PRKD1: variants seen among roughly 807,000 people sequenced by gnomAD.
PRKD1 encodes serine/threonine-protein kinase D1.
A neutral mutation model predicts 95.9 loss-of-function variants in PRKD1; 63 were observed. The observed-to-expected ratio is 0.66, with a 90% CI of 0.54 to 0.81. The LOEUF is 0.81. Among genes scored for constraint, PRKD1 ranks in the 30% least tolerant of loss-of-function variants. The probability of loss-of-function intolerance (pLI) is 0.00; values close to 1 mark genes in which losing one functional copy is unlikely to be tolerated. For missense variants in PRKD1, 1,048 were observed against 1,165.3 expected (o/e 0.90, Z 1.47); for synonymous variants, 425 against 423.1 (o/e 1.00, Z -0.05).
intron 1 of PRKD1, among the ~76,000 whole-genome samples, chr14:29,910,506 C>T (rs1894669788): frequency 6.6e-6 from 1 of 152,070 alleles, no homozygotes; most frequent in Admixed American, 6.5e-5. Flanking sequence ...CTAGAGACTG[C>T]CAACATTCAA....
intron 2 of PRKD1, among the ~76,000 whole-genome samples, chr14:29,713,851 T>C (rs1191572098): frequency 6.6e-6 from 1 of 152,168 alleles, no homozygotes; most frequent in African/African-American, 2.4e-5. Context: ...TTCAGGAAAC[T>C]GTGGTATTCA....
intron 9 of PRKD1, 68 bp from the exon 10 acceptor site, chr14:29,631,089 C>T: frequency 1.4e-6 from 2 of 1,407,254 alleles, no homozygotes; most frequent in Non-Finnish European, 1.9e-6. Context: ...AAAATTCATG[C>T]CAAGAACATG....
intron 2 of PRKD1, among the ~76,000 whole-genome samples, chr14:29,668,934 G>A (rs977997363): frequency 6.6e-6 from 1 of 152,180 alleles, no homozygotes; most frequent in African/African-American, 2.4e-5. Flanking sequence ...AGGTAATACA[G>A]AATCTGAACT....
At chr14:29,806,540 G>A (rs1319771364) in intron 1 of PRKD1, among the ~76,000 whole-genome samples, 2 of 152,144 alleles carry the variant, frequency 1.3e-5, no homozygotes, top group African/African-American at 2.4e-5. Flanking sequence ...TTACATTACA[G>A]GTCAGGCAGA....
intron 1 of PRKD1, among the ~76,000 whole-genome samples, chr14:29,771,806 T>C (rs1350116564): frequency 1.3e-5 from 2 of 152,234 alleles, no homozygotes; most frequent in African/African-American, 2.4e-5. Flanking sequence ...CCCAGTGTGC[T>C]GCAAAGGCAG....
At chr14:29,677,812 G>A (rs979340876) in intron 2 of PRKD1, among the ~76,000 whole-genome samples, 1 of 152,190 alleles carries the variant, frequency 6.6e-6, no homozygotes, top group African/African-American at 2.4e-5. Context: ...TGATCCACCA[G>A]CCTTGGCCTC....
chr14:29,599,040 T>C lies in PRKD1; in HGVS notation c.2153A>G (p.Asp718Gly). ...KPENVLLASA[D>G]PFPQVKLCDF... ...TTTTATACTTGCCTGAGGAAAAGGA[T>C]CAGCTGAGGCTAGCAACACATTTTC... Residue 718 changes from aspartate (D) to glycine (G), a missense_variant, in exon 15 of 18, where the codon GAT (aspartate) becomes GGT (glycine). By Grantham distance (94) the Asp-to-Gly change is moderately conservative (BLOSUM62 -1). Around this residue, in one of 3 missense-constraint regions of PRKD1, gnomAD observed 739 missense variants for 861.9 expected, o/e 0.86. Transcript: ENST00000331968. 6.2e-7 allele frequency: 1 copy of C among 1,613,098 alleles called. No homozygotes were observed. The highest frequency in any genetic ancestry group is 1.1e-5 in the South Asian group (1 of 91,026).
At position 29,703,781 on chromosome 14, in the gene PRKD1, T is replaced by C. The variant is rs45627837; in HGVS notation, c.403+21755A>G. On this transcript the variant is annotated intron_variant, in intron 2 of 17. Transcript: ENST00000331968. ...ATAAACAATACAGAGGGAATAAACA[T>C]CTCTAGGGATGCTTCAGAACAAAGG... Among the ~76,000 whole-genome samples, 557 of 152,216 alleles carry C rather than the reference T, an allele frequency of 3.7e-3. 1 individual carries two copies. The highest frequency in any genetic ancestry group is 0.013 in the African/African-American group (548 of 41,528).
chr14:29,805,674 A>C (rs1312138565), intron 1 of PRKD1, among the ~76,000 whole-genome samples: 1 of 152,202 alleles, frequency 6.6e-6, no homozygotes, highest in Non-Finnish European at 1.5e-5. Context: ...AAGGTAGGCA[A>C]GGAGAGGTTA....
intron 1 of PRKD1, among the ~76,000 whole-genome samples, chr14:29,777,887 G>A (rs1341501038): frequency 6.6e-6 from 1 of 152,064 alleles, no homozygotes; most frequent in East Asian, 1.9e-4. Context: ...TGACCACAAA[G>A]TTGGAAGTAA....
intron 1 of PRKD1, among the ~76,000 whole-genome samples, chr14:29,923,204 T>C (rs1895182384): frequency 7.2e-6 from 1 of 139,484 alleles, no homozygotes; most frequent in African/African-American, 2.7e-5. Context: ...CACTCCAGCC[T>C]GGGCAAGAGA....
chr14:29,854,060 T>C (rs748579434), intron 1 of PRKD1, among the ~76,000 whole-genome samples: 15 of 152,212 alleles, frequency 9.9e-5, no homozygotes, highest in Admixed American at 7.9e-4. Flanking sequence ...AAAAGACTAA[T>C]ACAGTAAATT....
At chr14:29,645,747 A>G (rs1881082352) in intron 4 of PRKD1, among the ~76,000 whole-genome samples, 1 of 151,954 alleles carries the variant, frequency 6.6e-6, no homozygotes, top group African/African-American at 2.4e-5. Flanking sequence ...GTTGACCTTT[A>G]TATTTACTCT....
intron 1 of PRKD1, among the ~76,000 whole-genome samples, chr14:29,834,582 TTACTA>T (rs1298214786): frequency 6.6e-6 from 1 of 152,034 alleles, no homozygotes; most frequent in African/African-American, 2.4e-5. Context: ...TATAGATAAT[TTACTA>T]TAATAAACAT....
intron 1 of PRKD1, among the ~76,000 whole-genome samples, chr14:29,841,976 A>T (rs1431764301): frequency 6.6e-6 from 1 of 152,100 alleles, no homozygotes; most frequent in Non-Finnish European, 1.5e-5. Context: ...TTTGTTAAAA[A>T]CTAAGGCACA....
In PRKD1 at chr14:29,741,860, TA is replaced by T. The variant is rs113284846; in HGVS notation, c.265-16187del. On this transcript the variant is annotated intron_variant, in intron 1 of 17. Transcript: ENST00000331968. Reference sequence around the variant, plus strand: ...TATTCAGTGACAAACTGATTTTTTTTAAAAAAACTCCCTTTCTTTGATTAAT... The same window carrying T: ...TATTCAGTGACAAACTGATTTTTTTTAAAAAACTCCCTTTCTTTGATTAAT... Among the ~76,000 whole-genome samples, 56 of 152,106 alleles carry T rather than the reference TA, an allele frequency of 3.7e-4. No homozygotes were observed. In the East Asian group the frequency reaches 5.0e-3, roughly 14 times the overall value.
At chr14:29,899,315 G>C (rs1029638758) in intron 1 of PRKD1, among the ~76,000 whole-genome samples, 2 of 151,910 alleles carry the variant, frequency 1.3e-5, no homozygotes, top group African/African-American at 2.4e-5. Flanking sequence ...AATCTATTTT[G>C]TACAATACAC....
At chr14:29,630,602 C>A (rs973502457) in intron 10 of PRKD1, 140 bp downstream of exon 10, 1 of 1,048,472 alleles carries the variant, frequency 9.5e-7, no homozygotes, top group East Asian at 2.5e-5. Flanking sequence ...TATTTAGACA[C>A]CCTACATTCT....
At chr14:29,712,016 TAG>T (rs1271055151) in intron 2 of PRKD1, among the ~76,000 whole-genome samples, 1 of 152,156 alleles carries the variant, frequency 6.6e-6, no homozygotes, top group Non-Finnish European at 1.5e-5. Context: ...GAATATTGAA[TAG>T]GATTAAGCAA....
Sources: allele counts gnomAD v4.1 joint callset (sites outside exome capture counted in the v4.1 genomes callset), GRCh38; gene constraint gnomAD v4.1.1; regional missense constraint gnomAD v4.1.1; transcripts MANE v1.5; gene names NCBI Gene and HGNC (gene_info 2026-07-23, HGNC 2026-07-21).